The following RAD51B variants were observed in gnomAD, a reference collection of about 807,000 sequenced individuals.
RAD51B encodes RAD51 paralog B, also known as DNA repair protein RAD51 homolog 2.
In RAD51B, 38 loss-of-function variants were observed where a neutral mutation model predicts 42.2. The ratio of observed to expected loss-of-function variants is 0.90; its 90% CI spans 0.70 to 1.18. The LOEUF (loss-of-function observed/expected upper bound fraction) is 1.18, where lower values mean the gene tolerates loss of function less well. RAD51B is among the 50% of genes most tolerant of loss of function. RAD51B has a pLI of 0.00. For synonymous variants in RAD51B, 154 were observed against 145.2 expected (o/e 1.06, Z -0.43); for missense variants, 373 against 400.7 (o/e 0.93, Z 0.59).
At chr14:68,620,575 G>A (rs1045735052) in intron 10 of RAD51B, among the ~76,000 whole-genome samples, 3 of 152,180 alleles carry the variant, frequency 2.0e-5, no homozygotes, top group Admixed American at 2.0e-4. Context: ...AGGAAGAAAT[G>A]CCTATACCTG....
intron 7 of RAD51B, among the ~76,000 whole-genome samples, chr14:67,925,377 A>G (rs1566961421): frequency 6.6e-6 from 1 of 151,864 alleles, no homozygotes; most frequent in Non-Finnish European, 1.5e-5. Context: ...AGTTCAAGCA[A>G]TTCTCCTGCC....
chr14:67,962,583 A>G (rs1368739616), intron 7 of RAD51B, among the ~76,000 whole-genome samples: 1 of 152,318 alleles, frequency 6.6e-6, no homozygotes, highest in East Asian at 1.9e-4. Context: ...TTACGGCCCA[A>G]GAACAGTGTA....
intron 8 of RAD51B, among the ~76,000 whole-genome samples, chr14:68,399,817 C>T (rs2084043693): frequency 6.6e-6 from 1 of 152,058 alleles, no homozygotes; most frequent in Non-Finnish European, 1.5e-5. Flanking sequence ...AATATACTGG[C>T]AATATTCAAA....
At chr14:68,481,920 A>G (rs1883209604), downstream of RAD51B, among the ~76,000 whole-genome samples, 1 of 152,200 alleles carries the variant, frequency 6.6e-6, no homozygotes, top group Non-Finnish European at 1.5e-5. Flanking sequence ...GATGCTCAGA[A>G]TATAGTAGAG....
chr14:68,411,302 G>A, intron 8 of RAD51B, 122 bp from the exon 9 acceptor site: 2 of 758,116 alleles, frequency 2.6e-6, no homozygotes, highest in Non-Finnish European at 4.5e-6. Flanking sequence ...CAAGTTCTGT[G>A]GTAATGAACT....
chr14:67,951,410 T>A (rs1023022989), intron 7 of RAD51B, among the ~76,000 whole-genome samples: 2 of 152,224 alleles, frequency 1.3e-5, no homozygotes, highest in African/African-American at 4.8e-5. Flanking sequence ...GAGCAGAAAT[T>A]AAACATTAAA....
At chr14:68,480,262 A>C (rs939272058), downstream of RAD51B, among the ~76,000 whole-genome samples, 9 of 151,716 alleles carry the variant, frequency 5.9e-5, no homozygotes, top group Non-Finnish European at 1.2e-4. Context: ...TTTTTAGTAG[A>C]GATGAAGTTT....
intron 7 of RAD51B, among the ~76,000 whole-genome samples, chr14:68,262,278 T>G (rs994045515): frequency 2.0e-5 from 3 of 152,118 alleles, no homozygotes; most frequent in African/African-American, 7.2e-5. Flanking sequence ...GTTTTGTGGC[T>G]GGGGCAGTAT....
At chr14:68,584,066 G>A (rs568870563) in intron 10 of RAD51B, among the ~76,000 whole-genome samples, 3 of 151,944 alleles carry the variant, frequency 2.0e-5, no homozygotes, top group Non-Finnish European at 4.4e-5. Context: ...ATGCCCAGGC[G>A]CCCCCCCACC....
At chr14:68,437,583 T>G (rs752663563) in intron 9 of RAD51B, among the ~76,000 whole-genome samples, 5 of 152,192 alleles carry the variant, frequency 3.3e-5, no homozygotes, top group Admixed American at 1.3e-4. Context: ...ACACCTCCCC[T>G]TTCCCTCCAT....
In RAD51B at chr14:68,006,589, C is replaced by A. The variant is rs553247339; in HGVS notation, c.756+119385C>A. Among the ~76,000 whole-genome samples, 3 of 152,018 alleles carry A rather than the reference C, an allele frequency of 2.0e-5. No homozygotes were observed. In the East Asian group the frequency reaches 5.8e-4, roughly 29 times the overall value. On this transcript the variant is annotated intron_variant, in intron 7 of 10. Coordinates refer to ENST00000471583, the MANE Select transcript of RAD51B (RefSeq NM_133510.4). Reference sequence around the variant, plus strand: ...TACATACTGTTTTGTACCTTATTTTCTTCACTTAATATTTCTTGGAAATCC... The same window carrying A: ...TACATACTGTTTTGTACCTTATTTTATTCACTTAATATTTCTTGGAAATCC...
intron 7 of RAD51B, chr14:68,069,679 C>G (rs1375423471): frequency 6.6e-6 from 1 of 152,188 alleles, no homozygotes; most frequent in East Asian, 1.9e-4. Flanking sequence ...TTTGTCTAAT[C>G]TACCATTGCT....
intron 11 of RAD51B, among the ~76,000 whole-genome samples, chr14:68,657,218 G>C (rs8006890): frequency 6.0e-4 from 91 of 151,208 alleles, no homozygotes; most frequent in African/African-American, 2.2e-3. Context: ...TAGGTCTCGC[G>C]GTGGGGGGAA....
intron 3 of RAD51B, among the ~76,000 whole-genome samples, chr14:67,833,330 C>G (rs1349225772): frequency 6.6e-6 from 1 of 152,042 alleles, no homozygotes; most frequent in Non-Finnish European, 1.5e-5. Context: ...GAGCTGAGAT[C>G]GCATCACTGC....
At chr14:68,469,902 G>A (rs945085395) in intron 10 of RAD51B, among the ~76,000 whole-genome samples, 14 of 152,146 alleles carry the variant, frequency 9.2e-5, no homozygotes, top group Admixed American at 2.6e-4. Context: ...TTCTAAGCCC[G>A]GTCAAATCTG....
At chr14:68,140,875 T>G (rs2078114352) in intron 7 of RAD51B, among the ~76,000 whole-genome samples, 1 of 152,238 alleles carries the variant, frequency 6.6e-6, no homozygotes, top group African/African-American at 2.4e-5. Context: ...TAGCACTCAA[T>G]CTATAGGTTA....
intron 8 of RAD51B, chr14:68,338,718 C>T: frequency 3.0e-6 from 1 of 338,910 alleles, no homozygotes; most frequent in Non-Finnish European, 5.7e-6. Context: ...GAAAACTCAA[C>T]AGTGTACATT....
chr14:67,985,158 C>T (rs2075162037), intron 7 of RAD51B, among the ~76,000 whole-genome samples: 1 of 152,158 alleles, frequency 6.6e-6, no homozygotes, highest in Non-Finnish European at 1.5e-5. Context: ...AGTCAGCTCC[C>T]ATAAGCCATT....
chr14:67,995,905 C>T (rs1399020936), intron 7 of RAD51B, among the ~76,000 whole-genome samples: 1 of 152,096 alleles, frequency 6.6e-6, no homozygotes, highest in African/African-American at 2.4e-5. Context: ...GCATGAGCCA[C>T]CGCGCCCGGC....
Sources: gnomAD v4.1 joint callset for allele counts (sites outside exome capture counted in the v4.1 genomes callset) on GRCh38, gnomAD v4.1.1 for gene constraint, MANE v1.5 for transcripts, NCBI Gene and HGNC (gene_info 2026-07-23, HGNC 2026-07-21) for gene names.